The following IMMP2L variants were observed in gnomAD, a reference collection of about 807,000 sequenced individuals.
IMMP2L encodes the protein mitochondrial inner membrane protease subunit 2.
A neutral mutation model predicts 19.3 loss-of-function variants in IMMP2L; 18 were observed. The ratio of observed to expected loss-of-function variants is 0.93; its 90% CI spans 0.64 to 1.38. The LOEUF (loss-of-function observed/expected upper bound fraction) is 1.38, where lower values mean the gene tolerates loss of function less well. Among genes scored for constraint, IMMP2L ranks in the 40% most tolerant of loss-of-function variants. IMMP2L has a pLI of 0.00. For missense variants in IMMP2L, 233 were observed against 218.2 expected, an observed-to-expected ratio of 1.07 and a Z score of -0.43; for synonymous variants, 76 against 73.0, an observed-to-expected ratio of 1.04 and a Z score of -0.21.
intron 3 of IMMP2L, among the ~76,000 whole-genome samples, chr7:111,152,554 C>T (rs924785070): frequency 6.6e-6 from 1 of 152,082 alleles, no homozygotes; most frequent in African/African-American, 2.4e-5. Context: ...AAAATAGTTA[C>T]ATATACCCAA....
chr7:110,715,773 T>C (rs1207520160), intron 5 of IMMP2L, among the ~76,000 whole-genome samples: 2 of 152,240 alleles, frequency 1.3e-5, no homozygotes, highest in Admixed American at 1.3e-4. Context: ...TAGGTCCAAT[T>C]GGTCAAGTAT....
rs1811273311 is a variant in IMMP2L at position 110,895,918 on chromosome 7, T to C, written c.306-9223A>G. Among the ~76,000 whole-genome samples the C allele has an allele frequency of 2.0e-5, 3 of 152,084 alleles. No individual in the cohort carries two copies. The South Asian group carries it at 6.2e-4, about 32-fold the overall frequency. Reference sequence around the variant, plus strand: ...CTTATTCTAGTTTTATTTTGTAGAGTTGTCAGAATTTTATGCAAACACAAT... The same window carrying C: ...CTTATTCTAGTTTTATTTTGTAGAGCTGTCAGAATTTTATGCAAACACAAT... On this transcript the variant is annotated intron_variant, in intron 4 of 5. Transcript: ENST00000405709.
intron 5 of IMMP2L, among the ~76,000 whole-genome samples, chr7:110,697,687 G>A (rs1364614737): frequency 1.3e-5 from 2 of 152,116 alleles, no homozygotes; most frequent in Non-Finnish European, 2.9e-5. Flanking sequence ...CCAGTTATTT[G>A]GGAGGCTGAT....
intron 3 of IMMP2L, among the ~76,000 whole-genome samples, chr7:111,432,971 A>G (rs1289267662): frequency 2.0e-5 from 3 of 151,778 alleles, no homozygotes; most frequent in Non-Finnish European, 4.4e-5. Flanking sequence ...AAAAGAAAAA[A>G]AAAAACACAC....
At chr7:110,894,514 C>A (rs903086445) in intron 4 of IMMP2L, among the ~76,000 whole-genome samples, 14 of 152,156 alleles carry the variant, frequency 9.2e-5, no homozygotes, top group African/African-American at 3.4e-4. Flanking sequence ...ATTTGCACAT[C>A]TTCTTTGGTG....
At chr7:111,206,748 C>T (rs1392646967) in intron 3 of IMMP2L, among the ~76,000 whole-genome samples, 1 of 152,088 alleles carries the variant, frequency 6.6e-6, no homozygotes, top group African/African-American at 2.4e-5. Context: ...CTTATTCATT[C>T]TTTCTTAAGA....
intron 5 of IMMP2L, among the ~76,000 whole-genome samples, chr7:110,795,894 T>C (rs914293677): frequency 1.3e-5 from 2 of 152,002 alleles, no homozygotes. Context: ...CAGAGATAGG[T>C]GGTGATATGG....
chr7:111,054,294 T>G (rs1195017223), intron 3 of IMMP2L, among the ~76,000 whole-genome samples: 1 of 152,184 alleles, frequency 6.6e-6, no homozygotes, highest in Non-Finnish European at 1.5e-5. Context: ...TTTTCTCTCC[T>G]CAGCTATTTT....
At chr7:111,407,067 TG>T (rs1185576090) in intron 3 of IMMP2L, among the ~76,000 whole-genome samples, 2 of 152,090 alleles carry the variant, frequency 1.3e-5, no homozygotes, top group African/African-American at 4.8e-5. Context: ...CATAAATATG[TG>T]TTTTAGGGAA....
chr7:111,040,335 G>A (rs2075170026), intron 3 of IMMP2L, among the ~76,000 whole-genome samples: 1 of 152,034 alleles, frequency 6.6e-6, no homozygotes, highest in African/African-American at 2.4e-5. Flanking sequence ...ATATTTTACA[G>A]GTGGACAAAT....
chr7:111,098,412 A>T lies in IMMP2L; in HGVS notation c.240-134847T>A, dbSNP rs939349442. Among the ~76,000 whole-genome samples, 6 of 151,930 alleles carry T rather than the reference A, an allele frequency of 3.9e-5. No homozygotes were observed. In the East Asian group the frequency reaches 7.7e-4, roughly 20 times the overall value. ...AAATTTATGTAAATATCAAAGTCTC[A>T]TTTTTATATTTAGGCTATAAATTAT... On this transcript the variant is annotated intron_variant, in intron 3 of 5. Transcript: ENST00000405709.
intron 3 of IMMP2L, among the ~76,000 whole-genome samples, chr7:111,176,156 G>A (rs1181102671): frequency 6.6e-6 from 1 of 151,914 alleles, no homozygotes; most frequent in African/African-American, 2.4e-5. Context: ...AAACCCTTGT[G>A]CACTGCTGGT....
At chr7:110,874,408 CA>C (rs930347509) in intron 5 of IMMP2L, among the ~76,000 whole-genome samples, 25 of 150,376 alleles carry the variant, frequency 1.7e-4, no homozygotes, top group African/African-American at 2.7e-4. Flanking sequence ...TTTGATGTGA[CA>C]AAAAAAAGGT....
intron 3 of IMMP2L, among the ~76,000 whole-genome samples, chr7:111,135,096 T>C (rs1345219734): frequency 6.6e-6 from 1 of 152,172 alleles, no homozygotes; most frequent in Non-Finnish European, 1.5e-5. Flanking sequence ...AACATGTAAG[T>C]AATTCGGCAC....
intron 5 of IMMP2L, among the ~76,000 whole-genome samples, chr7:110,673,552 C>T (rs1003718992): frequency 6.6e-6 from 1 of 152,130 alleles, no homozygotes; most frequent in Non-Finnish European, 1.5e-5. Flanking sequence ...GCAAATTCTC[C>T]AAACTTTCTA....
chr7:110,746,221 A>G (rs1385747900), intron 5 of IMMP2L, among the ~76,000 whole-genome samples: 1 of 152,194 alleles, frequency 6.6e-6, no homozygotes, highest in East Asian at 1.9e-4. Context: ...CTAAATATAT[A>G]TGCACCCAAT....
chr7:111,254,239 T>TTTG (rs2129632895), intron 3 of IMMP2L, among the ~76,000 whole-genome samples: 1 of 152,138 alleles, frequency 6.6e-6, no homozygotes, highest in African/African-American at 2.4e-5. Context: ...TTTGTTTTGT[T>TTTG]TTGTTTTGTT....
chr7:111,269,482 G>A (rs1258826063), intron 3 of IMMP2L, among the ~76,000 whole-genome samples: 2 of 151,758 alleles, frequency 1.3e-5, no homozygotes, highest in Non-Finnish European at 2.9e-5. Flanking sequence ...TATATACTAT[G>A]GACTCTCCAG....
chr7:110,851,003 C>G (rs1806162011), intron 5 of IMMP2L, among the ~76,000 whole-genome samples: 1 of 151,860 alleles, frequency 6.6e-6, no homozygotes, highest in Admixed American at 6.6e-5. Flanking sequence ...TCACAAAAAC[C>G]TCAAAGAAAC....
Sources: allele counts gnomAD v4.1 joint callset (sites outside exome capture counted in the v4.1 genomes callset), GRCh38; gene constraint gnomAD v4.1.1; transcripts MANE v1.5; gene names NCBI Gene and HGNC (gene_info 2026-07-23, HGNC 2026-07-21).